Variants in SCAF4 observed in about 807,000 individuals in gnomAD.
The protein encoded by SCAF4 is SR-related and CTD-associated factor 4.
Under a neutral mutation model 129.8 loss-of-function variants are expected in SCAF4, and 25 were observed. That is an observed-to-expected ratio of 0.19 (90% confidence interval 0.14 to 0.27). The LOEUF (loss-of-function observed/expected upper bound fraction) is 0.27, where lower values mean the gene tolerates loss of function less well. Ranked by LOEUF, SCAF4 falls within the 10% of genes least tolerant of loss-of-function variation. The pLI is 1.00. For synonymous variants in SCAF4, 551 were observed against 497.7 expected, an observed-to-expected ratio of 1.11 and a Z score of -1.43; for missense variants, 1,246 against 1,457.1, an observed-to-expected ratio of 0.86 and a Z score of 2.36.
intron 1 of SCAF4, among the ~76,000 whole-genome samples, chr21:31,713,811 A>G (rs2050861828): frequency 6.6e-6 from 1 of 152,184 alleles, no homozygotes; most frequent in Non-Finnish European, 1.5e-5. Context: ...ATGTTTTTCA[A>G]TCAAGTTTAG....
rs545247195 is a variant in SCAF4 at position 31,702,314 on chromosome 21, T to C, written c.387A>G (p.Gln129=). The C allele has an allele frequency of 1.1e-5, 17 of 1,613,902 alleles. No homozygotes were observed. The highest frequency in any genetic ancestry group is 1.6e-4 in the Middle Eastern group (1 of 6,084). The change falls in exon 5 of 20, where the codon CAA becomes CAG. Residue 129 remains glutamine (Q), a synonymous_variant. Coordinates refer to ENST00000286835, the MANE Select transcript of SCAF4 (RefSeq NM_020706.2). ...KNGVFKIEII[Q]PLLDMAAGTS... ...TTCCCGCTGCCATGTCCAAAAGAGG[T>C]TGAATAATTTCAATTTTGAACACTC...
intron 19 of SCAF4, among the ~76,000 whole-genome samples, chr21:31,683,759 T>C (rs1028722477): frequency 2.0e-5 from 3 of 152,042 alleles, no homozygotes; most frequent in Non-Finnish European, 2.9e-5. Flanking sequence ...CCCTGGTTCC[T>C]AGTCCAATGT....
intron 15 of SCAF4, among the ~76,000 whole-genome samples, chr21:31,688,984 ACTGT>A (rs1450108860): frequency 3.3e-5 from 5 of 152,178 alleles, no homozygotes; most frequent in South Asian, 2.1e-4. Flanking sequence ...TGAAAACAAA[ACTGT>A]CTTTCTGCTC....
intron 1 of SCAF4, among the ~76,000 whole-genome samples, chr21:31,717,947 A>T (rs2050977449): frequency 8.1e-6 from 1 of 123,668 alleles, no homozygotes; most frequent in South Asian, 2.4e-4. Context: ...ACACACACAC[A>T]TATATATTTT....
At chr21:31,713,760 G>GT (rs1016679518) in intron 1 of SCAF4, among the ~76,000 whole-genome samples, 1 of 149,622 alleles carries the variant, frequency 6.7e-6, no homozygotes, top group Non-Finnish European at 1.5e-5. Flanking sequence ...GTGGGGTGGG[G>GT]GGGGCAGGGA....
chr21:31,724,283 T>C (rs566887467), intron 1 of SCAF4, among the ~76,000 whole-genome samples: 161 of 152,326 alleles, frequency 1.1e-3, no homozygotes, highest in African/African-American at 3.7e-3. Context: ...CAACAGATCC[T>C]GGTAAGGCCT....
intron 1 of SCAF4, among the ~76,000 whole-genome samples, chr21:31,721,650 G>A (rs559235980): frequency 6.6e-6 from 1 of 152,178 alleles, no homozygotes; most frequent in African/African-American, 2.4e-5. Flanking sequence ...GGCAGTAAGT[G>A]GGTGAACTAT....
intron 19 of SCAF4, among the ~76,000 whole-genome samples, chr21:31,678,478 C>G (rs1213457562): frequency 2.6e-5 from 4 of 151,252 alleles, no homozygotes; most frequent in Non-Finnish European, 5.9e-5. Context: ...CCACTCTTAC[C>G]AACTTCTAGA....
intron 1 of SCAF4, chr21:31,712,849 A>G (rs1407942114): frequency 1.0e-6 from 1 of 962,860 alleles, no homozygotes; most frequent in Admixed American, 6.2e-5. Context: ...CATTTTTAAA[A>G]TAAACACTGA....
rs546757948 is a variant in SCAF4, at chr21:31,671,556, G to A, written c.3287C>T (p.Pro1096Leu). The A allele has an allele frequency of 6.2e-7, 1 of 1,614,064 alleles. No homozygotes were observed. The highest frequency in any genetic ancestry group is 1.1e-5 in the South Asian group (1 of 91,078). ...RAGGNKTVEP[P>L]ISQVGNVDTA... ...GTCTACATTTCCCACTTGGCTAATG[G>A]GAGGTTCAACGGTTTTGTTACCACC... Residue 1096 changes from proline (P) to leucine (L), a missense_variant, in exon 20 of 20, where the codon CCC becomes CTC. Physicochemically the swap from Pro to Leu is moderately conservative, Grantham distance 98. Coordinates refer to ENST00000286835, the MANE Select transcript of SCAF4 (RefSeq NM_020706.2).
chr21:31,689,831 A>G (rs1464817069), intron 15 of SCAF4, among the ~76,000 whole-genome samples: 1 of 151,738 alleles, frequency 6.6e-6, no homozygotes, highest in Admixed American at 6.6e-5. Flanking sequence ...GCTACTTGGG[A>G]GGCTGAGGCA....
intron 1 of SCAF4, among the ~76,000 whole-genome samples, chr21:31,725,283 A>C (rs1250861662): frequency 6.6e-6 from 1 of 152,184 alleles, no homozygotes; most frequent in Non-Finnish European, 1.5e-5. Context: ...AAAAATACTT[A>C]ATAAGGCATC....
chr21:31,730,880 G>A (rs923373906), intron 1 of SCAF4, among the ~76,000 whole-genome samples: 2 of 152,180 alleles, frequency 1.3e-5, no homozygotes, highest in African/African-American at 4.8e-5. Context: ...GAAGGGAGCC[G>A]AGGATTAACT....
At chr21:31,688,717 ATAC>A (rs1320733750) in intron 15 of SCAF4, among the ~76,000 whole-genome samples, 1 of 152,238 alleles carries the variant, frequency 6.6e-6, no homozygotes, top group Non-Finnish European at 1.5e-5. Context: ...TTACAAGTAG[ATAC>A]TACTATTATT....
chr21:31,706,827 T>TC (rs35434784), intron 1 of SCAF4: 3,281 of 240,332 alleles, frequency 0.014, 117 homozygotes, highest in African/African-American at 0.073. Context: ...CCAATGAGAG[T>TC]CCAGCCTCTG....
Position 31,671,407 on chromosome 21 carries a change from G to A in SCAF4, c.3436C>T (p.Pro1146Ser), listed in dbSNP as rs770063169. The change falls in exon 20 of 20, where the codon CCT becomes TCT. Residue 1146 changes from proline (P) to serine (S), a missense_variant. Transcript: ENST00000286835. ...TTCACAAATTCCAGTCTCTAACGAG[G>A]AGCCTCTGCTGCTGAGCCAGAATCC... ...EKDSGSAAEA[P>S]R is the part of the protein sequence containing the mutation. 7 of 1,613,246 alleles carry A rather than the reference G, an allele frequency of 4.3e-6. No individual in the cohort carries two copies. Among genetic ancestry groups the A allele is most frequent in the Middle Eastern group, 3.4e-4 (2 of 5,822 alleles).
At chr21:31,689,787 T>C (rs113269743) in intron 15 of SCAF4, among the ~76,000 whole-genome samples, 3,876 of 150,922 alleles carry the variant, frequency 0.026, 165 homozygotes, top group African/African-American at 0.09. Context: ...CCAAAAAAAT[T>C]AGCATGGCAC....
Position 31,722,989 on chromosome 21 carries a change from C to T in SCAF4, c.30+8674G>A, listed in dbSNP as rs557083768. Among the ~76,000 whole-genome samples, 63 of 151,952 alleles carry T rather than the reference C, an allele frequency of 4.1e-4. 2 individuals carry two copies. Among genetic ancestry groups the T allele is most frequent in the Middle Eastern group, 6.8e-3 (2 of 294 alleles). ...ATTACACTCAATGCTGAAAAAAATA[C>T]ATGGATAGTATTGTGATTTCTAGAA... is the stretch of plus-strand genomic sequence containing the variant. On this transcript the variant is annotated intron_variant, in intron 1 of 19. Coordinates refer to ENST00000286835, the MANE Select transcript of SCAF4 (RefSeq NM_020706.2).
In SCAF4 at chr21:31,731,925, G is replaced by A; in HGVS notation, c.-233C>T. On this transcript the variant is annotated 5_prime_UTR_variant, in exon 1 of 20. Coordinates refer to ENST00000286835, the MANE Select transcript of SCAF4 (RefSeq NM_020706.2). ...GTCCCGTTCGCAGGATGAGGAAAAG[G>A]AGGCGGCGGCAGCGCTGGTCTTCAA... 1 of 490,288 alleles carries A rather than the reference G, an allele frequency of 2.0e-6. No individual in the cohort carries two copies. Among genetic ancestry groups the A allele is most frequent in the Non-Finnish European group, 3.5e-6 (1 of 282,672 alleles). 30.4% of individuals were successfully genotyped at this position (490,288 alleles called of 1,614,324 possible).
Sources: allele counts gnomAD v4.1 joint callset (sites outside exome capture counted in the v4.1 genomes callset), GRCh38; gene constraint gnomAD v4.1.1; transcripts MANE v1.5; gene names NCBI Gene and HGNC (gene_info 2026-07-23, HGNC 2026-07-21).